The following POU2F1 variants were observed in gnomAD, a reference collection of about 807,000 sequenced individuals.
The protein encoded by POU2F1 is POU class 2 homeobox 1.
In POU2F1, 16 loss-of-function variants were observed where a neutral mutation model predicts 84.9. That is an observed-to-expected ratio of 0.19 (90% CI 0.13 to 0.29). The LOEUF (loss-of-function observed/expected upper bound fraction) is 0.29. Among genes scored for constraint, POU2F1 ranks in the 10% least tolerant of loss-of-function variants. The pLI, the probability that POU2F1 is intolerant of heterozygous loss-of-function variation, is 1.00. For synonymous variants in POU2F1, 368 were observed against 368.3 expected (o/e 1.00, Z 0.01); for missense variants, 738 against 942.6 (o/e 0.78, Z 2.84).
intron 7 of POU2F1, among the ~76,000 whole-genome samples, chr1:167,377,899 A>C (rs376399815): frequency 6.6e-6 from 1 of 151,964 alleles, no homozygotes; most frequent in African/African-American, 2.4e-5. Context: ...TTATGGCTGT[A>C]TAGTATTCCG....
At chr1:167,246,042 T>A (rs1337058923) in intron 1 of POU2F1, among the ~76,000 whole-genome samples, 1 of 152,222 alleles carries the variant, frequency 6.6e-6, no homozygotes, top group Non-Finnish European at 1.5e-5. Context: ...TTGAGAAGAA[T>A]TTGATGTCAG....
At chr1:167,238,480 C>A (rs973120915) in intron 1 of POU2F1, among the ~76,000 whole-genome samples, 1 of 152,056 alleles carries the variant, frequency 6.6e-6, no homozygotes, top group African/African-American at 2.4e-5. Flanking sequence ...AAACAGGACC[C>A]TATGTAATGT....
intron 9 of POU2F1, among the ~76,000 whole-genome samples, chr1:167,390,033 C>T (rs1648283066): frequency 6.6e-6 from 1 of 152,130 alleles, no homozygotes; most frequent in Non-Finnish European, 1.5e-5. Flanking sequence ...GGAGGATACA[C>T]GTATGTTATA....
At chr1:167,398,747 T>A (rs950820024) in intron 11 of POU2F1, among the ~76,000 whole-genome samples, 1 of 151,872 alleles carries the variant, frequency 6.6e-6, no homozygotes, top group Non-Finnish European at 1.5e-5. Flanking sequence ...GAATTAGGAG[T>A]TTTTGTCAGC....
intron 2 of POU2F1, among the ~76,000 whole-genome samples, chr1:167,353,707 CTTTTTTTTATTGTTGATTCT>C (rs1658741011): frequency 6.6e-6 from 1 of 151,962 alleles, no homozygotes; most frequent in African/African-American, 2.4e-5. Flanking sequence ...TTTTGTTGCA[CTTTTTTTTATTGTTGATTCT>C]TTTACGATTT....
intron 9 of POU2F1, among the ~76,000 whole-genome samples, chr1:167,391,537 T>TGA (rs1648398956): frequency 6.6e-6 from 1 of 150,602 alleles, no homozygotes; most frequent in African/African-American, 2.4e-5. Context: ...AAGAACACAT[T>TGA]TATATATATC....
intron 9 of POU2F1, among the ~76,000 whole-genome samples, chr1:167,395,030 G>C (rs1571435103): frequency 6.6e-6 from 1 of 152,116 alleles, no homozygotes; most frequent in African/African-American, 2.4e-5. Context: ...TAGTACTTTG[G>C]ACCAGAAATG....
chr1:167,292,054 C>G (rs1464946574), intron 1 of POU2F1, among the ~76,000 whole-genome samples: 1 of 151,886 alleles, frequency 6.6e-6, no homozygotes, highest in Non-Finnish European at 1.5e-5. Flanking sequence ...TGTCTGTGTA[C>G]ACAAATATTT....
At chr1:167,338,212 G>T in intron 2 of POU2F1, 1 of 466,984 alleles carries the variant, frequency 2.1e-6, no homozygotes. Context: ...TCAGCATGAA[G>T]ACAAGGATGA....
At chr1:167,317,175 G>C (rs1188691656) in intron 1 of POU2F1, among the ~76,000 whole-genome samples, 1 of 152,196 alleles carries the variant, frequency 6.6e-6, no homozygotes, top group Non-Finnish European at 1.5e-5. Flanking sequence ...TTAGAGGCAT[G>C]AGCCACCGTG....
At chr1:167,385,538 A>C (rs568474732) in intron 8 of POU2F1, among the ~76,000 whole-genome samples, 1 of 152,324 alleles carries the variant, frequency 6.6e-6, no homozygotes, top group South Asian at 2.1e-4. Context: ...TGATTTGCCA[A>C]AGGTGCCAAA....
intron 1 of POU2F1, among the ~76,000 whole-genome samples, chr1:167,317,522 C>T (rs1403401595): frequency 6.6e-6 from 1 of 152,204 alleles, no homozygotes; most frequent in Non-Finnish European, 1.5e-5. Flanking sequence ...TATTTATTGA[C>T]AGCAAGCCAG....
chr1:167,253,376 GCCCCCC>G (rs57789204), intron 1 of POU2F1, among the ~76,000 whole-genome samples: 1 of 121,590 alleles, frequency 8.2e-6, no homozygotes, highest in East Asian at 2.0e-4. Context: ...TTATTTTTCT[GCCCCCC>G]CCCCCCCAAA....
In POU2F1 at chr1:167,298,165, T is replaced by C. The variant is rs554457903; in HGVS notation, c.62-34305T>C. ...AACAACAACAACAAAAACAAACAAATAGAGCAAGAACGAGGAGCCTGTGAA... is the reference window on the plus strand; with the variant it reads ...AACAACAACAACAAAAACAAACAAACAGAGCAAGAACGAGGAGCCTGTGAA... On this transcript the variant is annotated intron_variant, in intron 1 of 15. Coordinates refer to ENST00000367866, the MANE Select transcript of POU2F1 (RefSeq NM_002697.4). Among the ~76,000 whole-genome samples the C allele has an allele frequency of 1.1e-4, 16 of 151,774 alleles. No homozygotes were observed. In the East Asian group the frequency reaches 2.9e-3, roughly 28 times the overall value.
chr1:167,239,451 G>T (rs4656533), intron 1 of POU2F1, among the ~76,000 whole-genome samples: 136,285 of 152,166 alleles, frequency 0.9, 62,324 homozygotes, highest in East Asian at 0.99. Context: ...CTGTCCATGG[G>T]CAGCAGTTCA....
chr1:167,293,411 A>T (rs571832339), intron 1 of POU2F1, among the ~76,000 whole-genome samples: 1 of 152,302 alleles, frequency 6.6e-6, no homozygotes, highest in East Asian at 1.9e-4. Flanking sequence ...CTAGGAATAT[A>T]CTTAACCAAG....
Position 167,313,230 on chromosome 1 carries a change from A to C in POU2F1, c.62-19240A>C, listed in dbSNP as rs750769749. Among the ~76,000 whole-genome samples the C allele has an allele frequency of 2.3e-4, 34 of 148,770 alleles. 1 individual carries two copies. In the Middle Eastern group the frequency reaches 0.01, roughly 45 times the overall value. ...ATACTATATTCAGGGATTAGAAGAT[A>C]ACATAGGAAACATCAGTTCTCCCCA... On this transcript the variant is annotated intron_variant, in intron 1 of 15. Coordinates refer to ENST00000367866, the MANE Select transcript of POU2F1 (RefSeq NM_002697.4).
At chr1:167,249,544 A>G (rs1455843451) in intron 1 of POU2F1, among the ~76,000 whole-genome samples, 1 of 152,198 alleles carries the variant, frequency 6.6e-6, no homozygotes, top group African/African-American at 2.4e-5. Flanking sequence ...AGGGAGTGGA[A>G]AGTCTTGACA....
Position 167,423,691 on chromosome 1 carries a change from C to A in POU2F1, c.*7881C>A, listed in dbSNP as rs1650781603. ...CAGGACACTGTCAAAAAGTTAAGAC[C>A]CCAAAACTAATTTACTGTAAAAAAC... On this transcript the variant is annotated 3_prime_UTR_variant, in exon 16 of 16. Transcript: ENST00000367866. 6.6e-6 allele frequency: 1 copy of A among 152,172 alleles called. No individual in the cohort carries two copies. The highest frequency in any genetic ancestry group is 6.5e-5 in the Admixed American group (1 of 15,270). 9.4% of individuals were successfully genotyped at this position (152,172 alleles called of 1,614,324 possible). A position where few individuals can be genotyped will look rare whatever the true frequency, so the allele number is the denominator to read the frequency against.
Sources: allele counts gnomAD v4.1 joint callset (sites outside exome capture counted in the v4.1 genomes callset), GRCh38; gene constraint gnomAD v4.1.1; transcripts MANE v1.5; gene names NCBI Gene and HGNC (gene_info 2026-07-23, HGNC 2026-07-21).